The following KIZ variants were observed in gnomAD, a reference collection of about 807,000 sequenced individuals.
The protein encoded by KIZ is centrosomal protein kizuna.
In KIZ, 68 loss-of-function variants were observed where a neutral mutation model predicts 79.6. The observed-to-expected ratio is 0.85, with a 90% CI of 0.70 to 1.05. The LOEUF (loss-of-function observed/expected upper bound fraction) is 1.05, where lower values mean the gene tolerates loss of function less well. Ranked by LOEUF, KIZ falls within the 50% of genes least tolerant of loss-of-function variation. The probability of loss-of-function intolerance (pLI) is 0.00; values close to 1 mark genes in which losing one functional copy is unlikely to be tolerated. For missense variants in KIZ, 797 were observed against 800.4 expected, an observed-to-expected ratio of 1.00 and a Z score of 0.05; for synonymous variants, 280 against 281.8, an observed-to-expected ratio of 0.99 and a Z score of 0.06.
At chr20:21,180,297 A>G (rs928556898) in intron 6 of KIZ, among the ~76,000 whole-genome samples, 9 of 151,326 alleles carry the variant, frequency 5.9e-5, no homozygotes, top group African/African-American at 1.2e-4. Flanking sequence ...GATGACGATG[A>G]CAACTCTTTT....
chr20:21,133,184 G>A (rs956644022), intron 2 of KIZ: 2 of 152,236 alleles, frequency 1.3e-5, no homozygotes, highest in African/African-American at 4.8e-5. Context: ...ATCCTTTAAA[G>A]TCAAATTACC....
chr20:21,216,310 A>AT (rs1297716482), intron 9 of KIZ, among the ~76,000 whole-genome samples: 3 of 152,222 alleles, frequency 2.0e-5, no homozygotes, highest in African/African-American at 7.2e-5. Context: ...GTACTACTTC[A>AT]TTATAAATTC....
chr20:21,153,554 C>T (rs555762210), intron 4 of KIZ, among the ~76,000 whole-genome samples: 1 of 152,116 alleles, frequency 6.6e-6, no homozygotes, highest in Non-Finnish European at 1.5e-5. Flanking sequence ...ATGGTGGCAA[C>T]ATGTAAGAAG....
chr20:21,163,170 C>A lies in KIZ; in HGVS notation c.1352+11C>A, dbSNP rs537449488. 2.5e-6 allele frequency: 4 copies of A among 1,572,522 alleles called. No homozygotes were observed. The South Asian group carries it at 4.7e-5, about 18-fold the overall frequency. On this transcript the variant is annotated intron_variant, in intron 6 of 12. Coordinates refer to ENST00000619189, the MANE Select transcript of KIZ (RefSeq NM_018474.6). The stretch of plus-strand genomic sequence containing the variant: ...CGCACCAACAAGAGAGTAAGCCATT[C>A]AATTTTTTTTTTCTACTGTTCTGTT...
At chr20:21,136,634 T>A in intron 3 of KIZ, 82 bp downstream of exon 3, 2 of 1,009,554 alleles carry the variant, frequency 2.0e-6, no homozygotes, top group Non-Finnish European at 2.8e-6. Flanking sequence ...GACCTCACTG[T>A]GTTACCCAGG....
intron 6 of KIZ, among the ~76,000 whole-genome samples, chr20:21,188,872 G>T (rs866673244): frequency 5.9e-5 from 9 of 151,558 alleles, no homozygotes; most frequent in African/African-American, 1.7e-4. Flanking sequence ...GCTAATTTTT[G>T]TGTGTGTGTG....
chr20:21,187,985 GT>G (rs1290676820), intron 6 of KIZ, among the ~76,000 whole-genome samples: 1 of 152,208 alleles, frequency 6.6e-6, no homozygotes, highest in Non-Finnish European at 1.5e-5. Context: ...CCAGAAGTAA[GT>G]TTCTCTCTGA....
chr20:21,200,620 A>G (rs147740795), intron 6 of KIZ, among the ~76,000 whole-genome samples: 61 of 151,930 alleles, frequency 4.0e-4, no homozygotes, highest in African/African-American at 1.4e-3. Context: ...TCATGCTCCT[A>G]TAAGAATCTA....
chr20:21,185,484 A>G (rs1031026659), intron 6 of KIZ, among the ~76,000 whole-genome samples: 3 of 140,328 alleles, frequency 2.1e-5, no homozygotes, highest in Non-Finnish European at 4.5e-5. Context: ...ATCGCGGCTC[A>G]CTGTAACCTC....
intron 9 of KIZ, chr20:21,218,148 T>G (rs1043464954): frequency 1.3e-5 from 2 of 152,210 alleles, no homozygotes; most frequent in African/African-American, 2.4e-5. Context: ...GATAGTTACC[T>G]TATCAAAAAG....
intron 6 of KIZ, among the ~76,000 whole-genome samples, chr20:21,180,441 G>A (rs183843054): frequency 3.3e-4 from 50 of 152,158 alleles, no homozygotes; most frequent in Admixed American, 1.6e-3. Flanking sequence ...GCGAGGGACG[G>A]GTGCAAGGGG....
intron 6 of KIZ, chr20:21,193,911 C>T (rs1328877721): frequency 6.6e-6 from 1 of 150,658 alleles, no homozygotes; most frequent in Non-Finnish European, 1.5e-5. Flanking sequence ...TGCTAAATGA[C>T]GAGTTAATGG....
rs982373968 is a variant in KIZ at position 21,136,464 on chromosome 20, G to A, written c.227G>A (p.Arg76Gln). Residue 76 changes from arginine to glutamine, a missense_variant, in exon 3 of 13, where the codon CGA becomes CAA. By Grantham distance (43) the Arg-to-Gln change is conservative. Coordinates refer to ENST00000619189, the MANE Select transcript of KIZ (RefSeq NM_018474.6). The part of the protein sequence containing the change: ...ICESEKKAHT[R>Q]NQEYLKRFER... ...GAATCTGAAAAGAAGGCTCATACTCGAAACCAAGAATATTTAAAGCGATTT... is the reference window on the plus strand; with the variant it reads ...GAATCTGAAAAGAAGGCTCATACTCAAAACCAAGAATATTTAAAGCGATTT... 4.4e-6 allele frequency: 7 copies of A among 1,588,862 alleles called. No individual in the cohort carries two copies. The highest frequency in any genetic ancestry group is 1.7e-4 in the Middle Eastern group (1 of 6,018).
At chr20:21,143,505 A>G (rs1254680734) in intron 3 of KIZ, among the ~76,000 whole-genome samples, 3 of 152,224 alleles carry the variant, frequency 2.0e-5, no homozygotes, top group Admixed American at 1.3e-4. Context: ...TCAATCCTCC[A>G]TCAATCTGTT....
At chr20:21,185,242 C>G (rs530311240) in intron 6 of KIZ, among the ~76,000 whole-genome samples, 1 of 152,184 alleles carries the variant, frequency 6.6e-6, no homozygotes, top group South Asian at 2.1e-4. Flanking sequence ...CTATTTTTCT[C>G]ACTTTTTTTC....
At chr20:21,141,985 C>G (rs2032572605) in intron 3 of KIZ, among the ~76,000 whole-genome samples, 1 of 151,432 alleles carries the variant, frequency 6.6e-6, no homozygotes, top group Admixed American at 6.6e-5. Flanking sequence ...TTCCTGTCTC[C>G]TTGCCTCTTC....
At chr20:21,178,108 G>GA (rs1299898945) in intron 6 of KIZ, among the ~76,000 whole-genome samples, 6 of 151,254 alleles carry the variant, frequency 4.0e-5, no homozygotes, top group South Asian at 2.1e-4. Context: ...TTTTATTTCT[G>GA]AAAAAAAATG....
intron 7 of KIZ, among the ~76,000 whole-genome samples, chr20:21,210,503 G>A (rs1201902440): frequency 6.6e-6 from 1 of 151,854 alleles, no homozygotes; most frequent in Non-Finnish European, 1.5e-5. Flanking sequence ...TCATTTACCT[G>A]TTGTTCAACA....
chr20:21,170,243 A>G (rs2034142831), intron 6 of KIZ, among the ~76,000 whole-genome samples: 1 of 152,180 alleles, frequency 6.6e-6, no homozygotes, highest in East Asian at 1.9e-4. Context: ...TAATCACTTC[A>G]TGGTAAATGG....
Sources: gnomAD v4.1 joint callset for allele counts (sites outside exome capture counted in the v4.1 genomes callset) on GRCh38, gnomAD v4.1.1 for gene constraint, MANE v1.5 for transcripts, NCBI Gene and HGNC (gene_info 2026-07-23, HGNC 2026-07-21) for gene names.